The following C1orf116 variants were observed in gnomAD, a reference collection of about 807,000 sequenced individuals.
C1orf116 encodes chromosome 1 open reading frame 116.
A neutral mutation model predicts 14.1 loss-of-function variants in C1orf116; 12 were observed. That is an observed-to-expected ratio of 0.85 (90% CI 0.54 to 1.38). The LOEUF (loss-of-function observed/expected upper bound fraction) is 1.38. Among genes scored for constraint, C1orf116 ranks in the 40% most tolerant of loss-of-function variants. The pLI, the probability that C1orf116 is intolerant of heterozygous loss-of-function variation, is 0.00. For missense variants in C1orf116, 797 were observed against 747.0 expected, an observed-to-expected ratio of 1.07 and a Z score of -0.78; for synonymous variants, 296 against 299.0, an observed-to-expected ratio of 0.99 and a Z score of 0.10.
intron 1 of C1orf116, 65 bp from the exon 2 acceptor site, chr1:207,027,744 GGGC>G: frequency 6.9e-7 from 1 of 1,441,502 alleles, no homozygotes; most frequent in Non-Finnish European, 9.1e-7. Flanking sequence ...CCCAGGCCCT[GGGC>G]GGCATGGCGG....
At chr1:207,023,523 A>G (rs1284983982) in intron 3 of C1orf116, 43 bp from the exon 4 acceptor site, 1 of 1,547,270 alleles carries the variant, frequency 6.5e-7, no homozygotes, top group East Asian at 2.3e-5. Flanking sequence ...ACAGAAAAAG[A>G]GTGGACAGAG....
chr1:207,026,758 C>T (rs946292081), intron 2 of C1orf116, among the ~76,000 whole-genome samples: 39 of 152,336 alleles, frequency 2.6e-4, no homozygotes, highest in African/African-American at 8.7e-4. Context: ...CACAGATTTA[C>T]TCTTTCACAC....
At position 207,023,013 on chromosome 1, in the gene C1orf116, C is replaced by G. The variant is rs765260174; in HGVS notation, c.751G>C (p.Ala251Pro). 8.1e-6 allele frequency: 13 copies of G among 1,613,884 alleles called. No homozygotes were observed. The Admixed American group carries it at 2.0e-4, about 25-fold the overall frequency. ...QTPSEAMSQKAKETVSTRYTQ... is the reference protein window; with the variant it reads ...QTPSEAMSQKPKETVSTRYTQ... ...TACCTGGTTGAGACTGTTTCCTTGGCTTTTTGGGACATGGCTTCTGAAGGA... is the reference window on the plus strand; with the variant it reads ...TACCTGGTTGAGACTGTTTCCTTGGGTTTTTGGGACATGGCTTCTGAAGGA... Residue 251 changes from alanine (A) to proline (P), a missense_variant, in exon 4 of 4, where the codon GCC becomes CCC. Physicochemically the swap from Ala to Pro is conservative, Grantham distance 27. Transcript: ENST00000359470.
intron 1 of C1orf116, among the ~76,000 whole-genome samples, chr1:207,030,344 C>A (rs141003621): frequency 5.3e-4 from 80 of 152,212 alleles, no homozygotes; most frequent in Admixed American, 2.0e-3. Context: ...AGGGGCATGC[C>A]CCCGAGAATG....
At chr1:207,025,086 G>A (rs200591823) in intron 2 of C1orf116, 22 bp from the exon 3 acceptor site, 2 of 1,187,164 alleles carry the variant, frequency 1.7e-6, no homozygotes, top group African/African-American at 1.5e-5. Flanking sequence ...GGGGTTGGGG[G>A]CGGGGGCGGG....
chr1:207,029,076 GT>G (rs944303852), intron 1 of C1orf116, among the ~76,000 whole-genome samples: 18 of 152,272 alleles, frequency 1.2e-4, no homozygotes, highest in Middle Eastern at 3.4e-3. Flanking sequence ...CCAAAGTCAA[GT>G]TTGGGCTGGG....
At chr1:207,026,180 G>A (rs566671236) in intron 2 of C1orf116, among the ~76,000 whole-genome samples, 1 of 152,322 alleles carries the variant, frequency 6.6e-6, no homozygotes, top group Non-Finnish European at 1.5e-5. Flanking sequence ...AAATATCCTG[G>A]AGGGAGGGGA....
In C1orf116 at chr1:207,022,822, G is replaced by A. The variant is rs756324918; in HGVS notation, c.942C>T (p.Phe314=). The A allele has an allele frequency of 1.2e-5, 20 of 1,614,054 alleles. No individual in the cohort carries two copies. Among genetic ancestry groups the A allele is most frequent in the Non-Finnish European group, 1.2e-5 (14 of 1,180,012 alleles). Residue 314 remains phenylalanine, a synonymous_variant, in exon 4 of 4, where the codon TTC becomes TTT. Coordinates refer to ENST00000359470, the MANE Select transcript of C1orf116 (RefSeq NM_023938.6). The stretch of plus-strand genomic sequence containing the variant: ...ACAGCCAGTGCTGGGGGTCACTGTG[G>A]AAACTGCTTCGGCTGCTCTTCAGAA... The part of the protein sequence containing the change: ...NIVLKSSRSS[F]HSDPQHWLSR...
intron 2 of C1orf116, 75 bp downstream of exon 2, chr1:207,027,418 GA>G: frequency 6.4e-7 from 1 of 1,566,924 alleles, no homozygotes; most frequent in Non-Finnish European, 8.7e-7. Context: ...TGGGTGGCAG[GA>G]AAGGATAGGG....
At position 207,019,661 on chromosome 1, in the gene C1orf116, C is replaced by T. The variant is rs910700665; in HGVS notation, c.*2297G>A. On this transcript the variant is annotated 3_prime_UTR_variant, in exon 4 of 4. Transcript: ENST00000359470. ...GATTTATTATTCTATTCTTGAATCC[C>T]AAAGACCATCCTAAGAGCAAAATAT... 8 of 152,148 alleles carry T rather than the reference C, an allele frequency of 5.3e-5. No homozygotes were observed. The highest frequency in any genetic ancestry group is 1.9e-4 in the African/African-American group (8 of 41,424). 9.4% of individuals were successfully genotyped at this position (152,148 alleles called of 1,614,324 possible).
chr1:207,021,699 T>C lies in C1orf116; in HGVS notation c.*259A>G. ...ACAGTGACTCATTGTGTTATATCAA[T>C]AGCTTCAGTGATGTATCCAGCGGCC... On this transcript the variant is annotated 3_prime_UTR_variant, in exon 4 of 4. Coordinates refer to ENST00000359470, the MANE Select transcript of C1orf116 (RefSeq NM_023938.6). 5.8e-6 allele frequency: 2 copies of C among 343,804 alleles called. No homozygotes were observed. The allele number at this position is 343,804 out of a possible 1,614,324, so 21.3% of individuals were successfully genotyped here.
In C1orf116 at chr1:207,027,592, C is replaced by T. The variant is rs375834919; in HGVS notation, c.7G>A (p.Glu3Lys). MP[E>K]RELWPAGTGS... The stretch of plus-strand genomic sequence containing the variant: ...GTCCCCGCTGGCCACAGCTCCCTCT[C>T]GGGCATCACCCGAAACAAGGTGCAG... Residue 3 changes from glutamate (E) to lysine (K), a missense_variant, in exon 2 of 4, where the codon GAG becomes AAG. By Grantham distance (56) the Glu-to-Lys change is moderately conservative (BLOSUM62 1). Transcript: ENST00000359470. The T allele has an allele frequency of 9.9e-6, 16 of 1,612,320 alleles. No individual in the cohort carries two copies. The highest frequency in any genetic ancestry group is 4.0e-5 in the African/African-American group (3 of 75,062).
At position 207,022,037 on chromosome 1, in the gene C1orf116, C is replaced by T. The variant is rs767293124; in HGVS notation, c.1727G>A (p.Ser576Asn). 2.1e-5 allele frequency: 33 copies of T among 1,594,866 alleles called. No individual in the cohort carries two copies. Among genetic ancestry groups the T allele is most frequent in the Middle Eastern group, 1.7e-4 (1 of 5,962 alleles). ...RDKLPRPPCVSVKISPKGVPN... is the reference protein window; with the variant it reads ...RDKLPRPPCVNVKISPKGVPN... ...GACACCCTTTGGGGAGATCTTGACACTGACACAGGGGGGGCGAGGAAGCTT... is the reference window on the plus strand; with the variant it reads ...GACACCCTTTGGGGAGATCTTGACATTGACACAGGGGGGGCGAGGAAGCTT... Residue 576 changes from serine to asparagine, a missense_variant, in exon 4 of 4, where the codon AGT becomes AAT. Transcript: ENST00000359470.
rs1558042648 is a variant in C1orf116, at chr1:207,022,134, C to T, written c.1630G>A (p.Val544Ile). 1.2e-6 allele frequency: 2 copies of T among 1,612,692 alleles called. No homozygotes were observed. Among genetic ancestry groups the T allele is most frequent in the East Asian group, 2.2e-5 (1 of 44,836 alleles). ...TGCTCCAGGTCAGCCAGCTTGCCTA[C>T]CTGGATACCTGCAAAATCTTTCCCC... ...GTGKDFAGIQ[V>I]GKLADLEQEQ... The change falls in exon 4 of 4, where the codon GTA (valine) becomes ATA (isoleucine). Residue 544 changes from valine (V) to isoleucine (I), a missense_variant. Val to Ile is a conservative substitution (Grantham distance 29, BLOSUM62 3). Coordinates refer to ENST00000359470, the MANE Select transcript of C1orf116 (RefSeq NM_023938.6).
rs373955367 is a variant in C1orf116, at chr1:207,022,308, G to C, written c.1456C>G (p.Arg486Gly). The C allele has an allele frequency of 5.0e-6, 8 of 1,613,650 alleles. No homozygotes were observed. The African/African-American group carries it at 1.1e-4, about 22-fold the overall frequency. ...QMNFKSNTLE[R>G]SGVGLSSYLS... is the part of the protein sequence containing the mutation. ...TAGCTGCTCAGTCCCACGCCTGAGC[G>C]CTCCAGAGTGTTGGACTTGAAGTTC... The change falls in exon 4 of 4, where the codon CGC becomes GGC. Residue 486 changes from arginine to glycine, a missense_variant. Physicochemically the swap from Arg to Gly is moderately radical, Grantham distance 125. Coordinates refer to ENST00000359470, the MANE Select transcript of C1orf116 (RefSeq NM_023938.6).
chr1:207,022,634 T>C lies in C1orf116; in HGVS notation c.1130A>G (p.Lys377Arg). 1.2e-6 allele frequency: 2 copies of C among 1,614,118 alleles called. No homozygotes were observed. Among genetic ancestry groups the C allele is most frequent in the African/African-American group, 1.3e-5 (1 of 75,054 alleles). ...LSKPTSSIRP[K>R]ETRAQHLSPA... is the part of the protein sequence containing the mutation. ...GGACAGATGCTGGGCCCGTGTCTCCTTGGGTCTGATGGAGCTGGTGGGCTT... is the reference window on the plus strand; with the variant it reads ...GGACAGATGCTGGGCCCGTGTCTCCCTGGGTCTGATGGAGCTGGTGGGCTT... The change falls in exon 4 of 4, where the codon AAG becomes AGG. Residue 377 changes from lysine (K) to arginine (R), a missense_variant. By Grantham distance (26) the Lys-to-Arg change is conservative. Transcript: ENST00000359470.
intron 1 of C1orf116, among the ~76,000 whole-genome samples, chr1:207,031,730 C>A (rs1682251148): frequency 6.6e-6 from 1 of 152,224 alleles, no homozygotes; most frequent in African/African-American, 2.4e-5. Flanking sequence ...AACAAAGCCA[C>A]CACCCTGGTC....
intron 1 of C1orf116, among the ~76,000 whole-genome samples, chr1:207,032,085 T>C (rs2629679): frequency 0.11 from 17,064 of 152,126 alleles, 3,137 homozygotes; most frequent in African/African-American, 0.38. Flanking sequence ...CATTATCACA[T>C]GAGCATGATC....
At position 207,022,686 on chromosome 1, in the gene C1orf116, G is replaced by T. The variant is rs1176830072; in HGVS notation, c.1078C>A (p.Gln360Lys). The part of the protein sequence containing the change: ...ALEKLGLPQD[Q>K]DEPGLHLSKP... ...CTTAAGTGGAGTCCAGGCTCATCTT[G>T]ATCCTGGGGTAGCCCCAGCTTCTCT... Residue 360 changes from glutamine (Q) to lysine (K), a missense_variant, in exon 4 of 4, where the codon CAA becomes AAA. Gln to Lys is a moderately conservative substitution (Grantham distance 53, BLOSUM62 1). Transcript: ENST00000359470. 10 of 1,613,938 alleles carry T rather than the reference G, an allele frequency of 6.2e-6. No homozygotes were observed. The highest frequency in any genetic ancestry group is 8.5e-6 in the Non-Finnish European group (10 of 1,180,046).
Sources: gnomAD v4.1 joint callset for allele counts (sites outside exome capture counted in the v4.1 genomes callset) on GRCh38, gnomAD v4.1.1 for gene constraint, MANE v1.5 for transcripts, NCBI Gene and HGNC (gene_info 2026-07-23, HGNC 2026-07-21) for gene names.